The following CALN1 variants were observed in gnomAD, a reference collection of about 807,000 sequenced individuals.
The protein encoded by CALN1 is calcium-binding protein 8.
In CALN1, 17 loss-of-function variants were observed where a neutral mutation model predicts 30.6. The observed-to-expected ratio is 0.56, with a 90% CI of 0.38 to 0.83. CALN1 has a LOEUF of 0.83. Among genes scored for constraint, CALN1 ranks in the 40% least tolerant of loss-of-function variants. CALN1 has a pLI of 0.00. For missense variants in CALN1, 291 were observed against 354.9 expected (o/e 0.82, Z 1.45); for synonymous variants, 156 against 131.4 (o/e 1.19, Z -1.28).
chr7:72,218,720 G>A (rs1793038238), intron 3 of CALN1, among the ~76,000 whole-genome samples: 1 of 152,182 alleles, frequency 6.6e-6, no homozygotes. Flanking sequence ...TGGGAACCCT[G>A]GGAGAGTAGG....
rs534938021 is a variant in CALN1 at position 72,330,745 on chromosome 7, G to C, written c.120-51935C>G. 1.1e-4 allele frequency among the ~76,000 whole-genome samples: 17 copies of C among 152,268 alleles called. 1 individual carries two copies. The South Asian group carries it at 1.2e-3, about 11-fold the overall frequency. Reference sequence around the variant, plus strand: ...GAGATAAAGTAACCTACTTAAATAGGTCTTATTCACAGCAGCACAGTCCCT... The same window carrying C: ...GAGATAAAGTAACCTACTTAAATAGCTCTTATTCACAGCAGCACAGTCCCT... On this transcript the variant is annotated intron_variant, in intron 2 of 6. Coordinates refer to ENST00000395275, the MANE Select transcript of CALN1 (RefSeq NM_031468.4).
intron 2 of CALN1, among the ~76,000 whole-genome samples, chr7:72,348,754 T>C (rs1235622476): frequency 1.3e-5 from 2 of 152,226 alleles, no homozygotes; most frequent in East Asian, 1.9e-4. Flanking sequence ...TATTTAAGAC[T>C]TGACCTAACA....
chr7:72,413,549 ACATG>A (rs1807315011), upstream of CALN1, among the ~76,000 whole-genome samples: 1 of 151,324 alleles, frequency 6.6e-6, no homozygotes, highest in Non-Finnish European at 1.5e-5. Context: ...ACAAGCTCAT[ACATG>A]CATGCACTCA....
intron 2 of CALN1, among the ~76,000 whole-genome samples, chr7:72,402,614 G>A (rs1431137139): frequency 6.6e-6 from 1 of 152,196 alleles, no homozygotes; most frequent in East Asian, 1.9e-4. Flanking sequence ...GTATAGCCAT[G>A]AGGGTCTCCG....
At position 72,124,097 on chromosome 7, in the gene CALN1, A is replaced by G. The variant is rs935419096; in HGVS notation, c.245-17803T>C. 2.6e-5 allele frequency among the ~76,000 whole-genome samples: 4 copies of G among 152,328 alleles called. 1 individual carries two copies. The highest frequency in any genetic ancestry group is 4.1e-4 in the South Asian group (2 of 4,828). ...CAACTATTTCAGAACACACGTGCAC[A>G]CACACACCAATCATTCCGTATTTCC... On this transcript the variant is annotated intron_variant, in intron 3 of 6. Coordinates refer to ENST00000395275, the MANE Select transcript of CALN1 (RefSeq NM_031468.4).
chr7:72,459,184 A>G, the CALN1 span, among the ~76,000 whole-genome samples: 1 of 152,030 alleles, frequency 6.6e-6, no homozygotes, highest in South Asian at 2.1e-4. Flanking sequence ...GATTACAGGC[A>G]TGAACCACCG....
intron 5 of CALN1, among the ~76,000 whole-genome samples, chr7:71,851,252 C>CACACA (rs1491431075): frequency 1.2e-4 from 18 of 149,468 alleles, no homozygotes; most frequent in African/African-American, 4.0e-4. Context: ...CACACACACA[C>CACACA]ATCACACATA....
At chr7:72,170,103 A>G (rs1168616618) in intron 3 of CALN1, among the ~76,000 whole-genome samples, 1 of 152,126 alleles carries the variant, frequency 6.6e-6, no homozygotes, top group Non-Finnish European at 1.5e-5. Context: ...GGCTCAAGCA[A>G]TCCTCCCTCC....
the CALN1 span, among the ~76,000 whole-genome samples, chr7:72,498,340 C>A: frequency 6.6e-6 from 1 of 151,630 alleles, no homozygotes; most frequent in Non-Finnish European, 1.5e-5. Flanking sequence ...GCTTAACAGG[C>A]CTCCAAAAAA....
At chr7:72,421,117 T>A (rs1256845973) in intron 1 of CALN1, among the ~76,000 whole-genome samples, 1 of 152,108 alleles carries the variant, frequency 6.6e-6, no homozygotes, top group African/African-American at 2.4e-5. Context: ...ATTCCTTTCT[T>A]AAAAAAATGG....
intron 3 of CALN1, among the ~76,000 whole-genome samples, chr7:72,182,460 C>T (rs1789881796): frequency 6.6e-6 from 1 of 152,114 alleles, no homozygotes; most frequent in African/African-American, 2.4e-5. Context: ...TAGTTCAAAC[C>T]TATAATCCAA....
At chr7:72,127,212 A>G (rs1473131183) in intron 3 of CALN1, among the ~76,000 whole-genome samples, 1 of 151,984 alleles carries the variant, frequency 6.6e-6, no homozygotes, top group Non-Finnish European at 1.5e-5. Context: ...TGTCTAGAGA[A>G]GAGTGTTCCA....
At chr7:71,791,732 G>A (rs970128433) in intron 6 of CALN1, among the ~76,000 whole-genome samples, 11 of 152,170 alleles carry the variant, frequency 7.2e-5, no homozygotes, top group African/African-American at 2.2e-4. Context: ...CATTGAGGCC[G>A]GGCACGGTGG....
At chr7:72,133,591 A>G (rs1333914531) in intron 3 of CALN1, among the ~76,000 whole-genome samples, 2 of 152,224 alleles carry the variant, frequency 1.3e-5, no homozygotes, top group African/African-American at 4.8e-5. Flanking sequence ...AAGTTTGACG[A>G]TTATGGATAT....
At chr7:71,820,672 CTA>C (rs1384401715) in intron 5 of CALN1, among the ~76,000 whole-genome samples, 1 of 152,058 alleles carries the variant, frequency 6.6e-6, no homozygotes, top group African/African-American at 2.4e-5. Context: ...TACGGTAATT[CTA>C]TGTTTAAATT....
intron 2 of CALN1, among the ~76,000 whole-genome samples, chr7:72,320,519 C>T (rs1158896776): frequency 6.6e-6 from 1 of 152,124 alleles, no homozygotes; most frequent in African/African-American, 2.4e-5. Context: ...TCTGCAGACA[C>T]TTGTACAAGT....
chr7:72,413,640 C>T (rs567844372), upstream of CALN1, among the ~76,000 whole-genome samples: 14 of 152,014 alleles, frequency 9.2e-5, no homozygotes, highest in Admixed American at 2.6e-4. Context: ...ACTACACATA[C>T]GCATATAAAC....
At chr7:72,021,158 C>T (rs879325129) in intron 5 of CALN1, among the ~76,000 whole-genome samples, 1 of 152,002 alleles carries the variant, frequency 6.6e-6, no homozygotes, top group Non-Finnish European at 1.5e-5. Flanking sequence ...ACCTGTGGTC[C>T]CAGCCACTTG....
At chr7:72,207,945 C>T (rs530173680) in intron 3 of CALN1, among the ~76,000 whole-genome samples, 10 of 152,180 alleles carry the variant, frequency 6.6e-5, no homozygotes, top group Non-Finnish European at 1.2e-4. Context: ...AACTTTTTTA[C>T]AAAATCTCTG....
Sources: gnomAD v4.1 joint callset for allele counts (sites outside exome capture counted in the v4.1 genomes callset) on GRCh38, gnomAD v4.1.1 for gene constraint, MANE v1.5 for transcripts, NCBI Gene and HGNC (gene_info 2026-07-23, HGNC 2026-07-21) for gene names.